Variants in ITPR2 observed in about 807,000 individuals in gnomAD.
ITPR2 encodes the protein inositol 1,4,5-trisphosphate-gated calcium channel ITPR2.
In ITPR2, 207 loss-of-function variants were observed where a neutral mutation model predicts 317.1. That is an observed-to-expected ratio of 0.65 (90% CI 0.58 to 0.73). The LOEUF (loss-of-function observed/expected upper bound fraction) is 0.73, where lower values mean the gene tolerates loss of function less well. Among genes scored for constraint, ITPR2 ranks in the 30% least tolerant of loss-of-function variants. The probability of loss-of-function intolerance (pLI) is 0.00; values close to 1 mark genes in which losing one functional copy is unlikely to be tolerated. For synonymous variants in ITPR2, 1,156 were observed against 1,149.1 expected, an observed-to-expected ratio of 1.01 and a Z score of -0.12; for missense variants, 2,613 against 3,284.0, an observed-to-expected ratio of 0.80 and a Z score of 4.99.
chr12:26,387,102 C>A (rs190481489), intron 55 of ITPR2, among the ~76,000 whole-genome samples: 1 of 152,240 alleles, frequency 6.6e-6, no homozygotes, highest in East Asian at 1.9e-4. Flanking sequence ...TGGGAAAGTT[C>A]CAGATTTCAG....
Position 26,518,542 on chromosome 12 carries a change from G to A in ITPR2, c.5074-23282C>T, listed in dbSNP as rs182501322. 1.3e-3 allele frequency among the ~76,000 whole-genome samples: 194 copies of A among 151,806 alleles called. 2 individuals are homozygous for A. Among genetic ancestry groups the A allele is most frequent in the South Asian group, 4.8e-3 (23 of 4,818 alleles). ...TAAATGTTGTCGGGGAAGGGGGGGCGGGAATAAATACAAATAAAAAATAAA... is the reference window on the plus strand; with the variant it reads ...TAAATGTTGTCGGGGAAGGGGGGGCAGGAATAAATACAAATAAAAAATAAA... On this transcript the variant is annotated intron_variant, in intron 37 of 56. Transcript: ENST00000381340.
At position 26,486,438 on chromosome 12, in the gene ITPR2, C is replaced by A. The variant is rs1942670600; in HGVS notation, c.5555-78G>T. On this transcript the variant is annotated intron_variant, in intron 40 of 56. Coordinates refer to ENST00000381340, the MANE Select transcript of ITPR2 (RefSeq NM_002223.4). ...TAAAAAAAAAAAAACAAACCAGGTA[C>A]CCAAATTCTCTAACAATTGAATTAA... is the stretch of plus-strand genomic sequence containing the variant. The A allele has an allele frequency of 5.5e-6, 6 of 1,088,370 alleles. No individual in the cohort carries two copies. In the East Asian group the frequency reaches 9.7e-5, roughly 18 times the overall value. 67.4% of individuals were successfully genotyped at this position (1,088,370 alleles called of 1,614,324 possible).
chr12:26,452,853 T>C (rs980267549), intron 45 of ITPR2, among the ~76,000 whole-genome samples: 1 of 152,164 alleles, frequency 6.6e-6, no homozygotes, highest in African/African-American at 2.4e-5. Flanking sequence ...ATAAATCTCT[T>C]GTCTTTATTA....
intron 10 of ITPR2, among the ~76,000 whole-genome samples, chr12:26,692,203 T>C (rs17400825): frequency 0.18 from 27,478 of 152,176 alleles, 3,287 homozygotes; most frequent in Non-Finnish European, 0.26. Flanking sequence ...TGTTGATGTA[T>C]ATAAATGCAC....
intron 37 of ITPR2, among the ~76,000 whole-genome samples, chr12:26,517,961 G>T (rs1026814925): frequency 5.9e-5 from 9 of 152,198 alleles, no homozygotes; most frequent in African/African-American, 2.2e-4. Context: ...AAGCAGTTTG[G>T]AGATTTCTCA....
intron 4 of ITPR2, among the ~76,000 whole-genome samples, 192 bp from the exon 5 acceptor site, chr12:26,722,747 C>T (rs1948858378): frequency 6.6e-6 from 1 of 152,084 alleles, no homozygotes; most frequent in Admixed American, 6.6e-5. Context: ...CTCCCCTTCA[C>T]CCCAATTCTG....
At chr12:26,557,047 C>A (rs1944682943) in intron 35 of ITPR2, among the ~76,000 whole-genome samples, 1 of 151,916 alleles carries the variant, frequency 6.6e-6, no homozygotes, top group African/African-American at 2.4e-5. Context: ...CCATTGCACT[C>A]CAGCCTGGGT....
intron 37 of ITPR2, among the ~76,000 whole-genome samples, chr12:26,503,190 AACACAC>A (rs57271500): frequency 2.3e-4 from 32 of 139,210 alleles, no homozygotes; most frequent in African/African-American, 8.1e-4. Flanking sequence ...GCCCCCCACC[AACACAC>A]ACACACACAC....
intron 34 of ITPR2, among the ~76,000 whole-genome samples, chr12:26,565,410 C>A (rs1305166307): frequency 6.6e-6 from 1 of 150,932 alleles, no homozygotes; most frequent in Non-Finnish European, 1.5e-5. Context: ...ATGATAGTCC[C>A]CAGAAGGCTT....
intron 2 of ITPR2, among the ~76,000 whole-genome samples, chr12:26,742,062 C>T (rs536497230): frequency 1.3e-5 from 2 of 152,230 alleles, no homozygotes; most frequent in East Asian, 1.9e-4. Flanking sequence ...AGTGCCCACA[C>T]CAACAAGAAC....
intron 45 of ITPR2, among the ~76,000 whole-genome samples, chr12:26,465,668 C>A (rs1179698882): frequency 6.6e-6 from 1 of 152,104 alleles, no homozygotes. Context: ...ACACTCCTAA[C>A]CTAAGATCCC....
At chr12:26,436,601 T>C (rs1030071215) in intron 47 of ITPR2, among the ~76,000 whole-genome samples, 4 of 152,196 alleles carry the variant, frequency 2.6e-5, no homozygotes, top group African/African-American at 4.8e-5. Context: ...AATTTTGCAA[T>C]TGCTAAAGGT....
At chr12:26,619,435 G>A (rs1188434194) in intron 26 of ITPR2, among the ~76,000 whole-genome samples, 1 of 152,122 alleles carries the variant, frequency 6.6e-6, no homozygotes, top group African/African-American at 2.4e-5. Context: ...ATCCTAGCTT[G>A]GGCGACATCT....
chr12:26,802,338 T>C (rs1950569325), intron 1 of ITPR2, among the ~76,000 whole-genome samples: 1 of 151,676 alleles, frequency 6.6e-6, no homozygotes, highest in Non-Finnish European at 1.5e-5. Context: ...AAGAAAAGTA[T>C]AGTAGCAGTG....
intron 9 of ITPR2, among the ~76,000 whole-genome samples, chr12:26,696,375 C>G (rs1948350659): frequency 6.6e-6 from 1 of 152,062 alleles, no homozygotes; most frequent in African/African-American, 2.4e-5. Context: ...ATCAAGTTGT[C>G]CAATTGAATT....
chr12:26,747,383 T>G (rs1318305768), intron 2 of ITPR2, among the ~76,000 whole-genome samples: 1 of 152,182 alleles, frequency 6.6e-6, no homozygotes, highest in South Asian at 2.1e-4. Context: ...TGAAGAGTAG[T>G]CATCTCCAAC....
intron 52 of ITPR2, among the ~76,000 whole-genome samples, chr12:26,405,145 A>AG (rs1769989089): frequency 1.3e-5 from 2 of 151,976 alleles, no homozygotes; most frequent in African/African-American, 4.8e-5. Flanking sequence ...AAAAAAAAAA[A>AG]AAGAAGAAGA....
In ITPR2 at chr12:26,443,443, C is replaced by T. The variant is rs934139178; in HGVS notation, c.6450+100G>A. 10 of 876,062 alleles carry T rather than the reference C, an allele frequency of 1.1e-5. 1 individual carries two copies. The highest frequency in any genetic ancestry group is 1.8e-5 in the Non-Finnish European group (10 of 554,140). 54.3% of individuals were successfully genotyped at this position (876,062 alleles called of 1,614,324 possible). A position where few individuals can be genotyped will look rare whatever the true frequency, so the allele number is the denominator to read the frequency against. ...ATTTTTCAGTTTAAACCACTCACTT[C>T]TGCATCATTGCTCTAGAAAAAAATA... is the stretch of plus-strand genomic sequence containing the variant. On this transcript the variant is annotated intron_variant, in intron 46 of 56. Coordinates refer to ENST00000381340, the MANE Select transcript of ITPR2 (RefSeq NM_002223.4).
chr12:26,481,556 T>C (rs966011813), intron 42 of ITPR2, among the ~76,000 whole-genome samples: 7 of 152,222 alleles, frequency 4.6e-5, no homozygotes, highest in Non-Finnish European at 7.4e-5. Context: ...AACTTTAATA[T>C]ACCAATCAAC....
Sources: gnomAD v4.1 joint callset for allele counts (sites outside exome capture counted in the v4.1 genomes callset) on GRCh38, gnomAD v4.1.1 for gene constraint, MANE v1.5 for transcripts, NCBI Gene and HGNC (gene_info 2026-07-23, HGNC 2026-07-21) for gene names.